The following DIP2C variants were observed in gnomAD, a reference collection of about 807,000 sequenced individuals.
The protein encoded by DIP2C is disco-interacting protein 2 homolog C.
In DIP2C, 33 loss-of-function variants were observed where a neutral mutation model predicts 192.4. That is an observed-to-expected ratio of 0.17 (90% CI 0.13 to 0.23). The LOEUF is 0.23. DIP2C is among the 10% of genes least tolerant of loss of function. The pLI is 1.00. For synonymous variants in DIP2C, 979 were observed against 864.1 expected, an observed-to-expected ratio of 1.13 and a Z score of -2.33; for missense variants, 1,537 against 2,110.1, an observed-to-expected ratio of 0.73 and a Z score of 5.32.
chr10:527,595 C>T (rs1165371755), intron 1 of DIP2C, among the ~76,000 whole-genome samples: 33 of 152,080 alleles, frequency 2.2e-4, no homozygotes, highest in Non-Finnish European at 1.5e-5. Flanking sequence ...GTCAAATAAC[C>T]AGAGATGTAA....
chr10:375,912 T>C (rs772860619), intron 17 of DIP2C, among the ~76,000 whole-genome samples: 4 of 152,132 alleles, frequency 2.6e-5, no homozygotes, highest in African/African-American at 4.8e-5. Context: ...AATGTAGTAT[T>C]CCTCAGCTTA....
At chr10:281,660 C>G (rs1403389050) in intron 35 of DIP2C, among the ~76,000 whole-genome samples, 1 of 152,238 alleles carries the variant, frequency 6.6e-6, no homozygotes, top group Non-Finnish European at 1.5e-5. Flanking sequence ...CGGCACCCAG[C>G]GGTCTGAGTT....
intron 32 of DIP2C, among the ~76,000 whole-genome samples, chr10:303,891 C>A (rs1252900742): frequency 2.0e-5 from 3 of 152,044 alleles, no homozygotes; most frequent in African/African-American, 7.2e-5. Flanking sequence ...TTAATCTGGG[C>A]CTCCACGGGG....
rs550798493 is a variant in DIP2C, at chr10:363,263, G to A, written c.2526C>T (p.Ile842=). 16 of 1,613,336 alleles carry A rather than the reference G, an allele frequency of 9.9e-6. No individual in the cohort carries two copies. The highest frequency in any genetic ancestry group is 2.2e-5 in the East Asian group (1 of 44,878). Residue 842 remains isoleucine, a synonymous_variant, in exon 21 of 37, where the codon ATC becomes ATT. Coordinates refer to ENST00000280886, the MANE Select transcript of DIP2C (RefSeq NM_014974.3). This position sits in a 1 kb window ranked among gnomAD's most constrained non-coding sequence, Gnocchi z 5.4. ...VTVLHDERIV[I]VAEQRPDSTE... ...TGGAGTCAGGCCTCTGCTCAGCCAC[G>A]ATCACGATCCTCTCGTCGTGCAGCA...
chr10:533,650 C>CA (rs534651561), intron 1 of DIP2C, among the ~76,000 whole-genome samples: 35,107 of 122,402 alleles, frequency 0.29, 6,006 homozygotes, highest in African/African-American at 0.52. Context: ...AGATACCTAC[C>CA]AAAAAAAAAA....
chr10:621,610 T>C (rs1033732281), intron 1 of DIP2C, among the ~76,000 whole-genome samples: 1 of 152,042 alleles, frequency 6.6e-6, no homozygotes, highest in African/African-American at 2.4e-5. Flanking sequence ...ACTGAGGTCT[T>C]GGGCCGGCTC....
chr10:501,512 C>A (rs1256869488), intron 1 of DIP2C, among the ~76,000 whole-genome samples: 1 of 151,760 alleles, frequency 6.6e-6, no homozygotes, highest in Non-Finnish European at 1.5e-5. Context: ...TGCGTTGATA[C>A]CATATTACCC....
chr10:502,516 CATA>C (rs1461528104), intron 1 of DIP2C, among the ~76,000 whole-genome samples: 5 of 152,072 alleles, frequency 3.3e-5, no homozygotes, highest in African/African-American at 1.2e-4. Context: ...AAAAAGACAT[CATA>C]ATGAGCACAA....
chr10:584,025 T>TC (rs1850824992), intron 1 of DIP2C, among the ~76,000 whole-genome samples: 1 of 152,128 alleles, frequency 6.6e-6, no homozygotes, highest in African/African-American at 2.4e-5. Flanking sequence ...CTGACCTCTG[T>TC]CCCTTGGTGT....
intron 1 of DIP2C, among the ~76,000 whole-genome samples, chr10:610,403 G>A (rs924593954): frequency 6.6e-6 from 1 of 152,048 alleles, no homozygotes; most frequent in Non-Finnish European, 1.5e-5. Context: ...AATGTCAGTG[G>A]GTCACCTACT....
chr10:539,958 G>GA (rs1289303851), intron 1 of DIP2C, among the ~76,000 whole-genome samples: 4 of 151,974 alleles, frequency 2.6e-5, no homozygotes, highest in African/African-American at 4.8e-5. Flanking sequence ...AGATATTCCA[G>GA]AAAAAAACAA....
chr10:601,251 T>G (rs973208644), intron 1 of DIP2C, among the ~76,000 whole-genome samples: 2 of 152,196 alleles, frequency 1.3e-5, no homozygotes, highest in Admixed American at 6.5e-5. Context: ...AAAGGTTCAG[T>G]AAATCTCTAG....
intron 1 of DIP2C, among the ~76,000 whole-genome samples, chr10:529,628 G>T (rs186610301): frequency 3.1e-4 from 47 of 152,290 alleles, no homozygotes; most frequent in Middle Eastern, 6.8e-3. Flanking sequence ...CGATCAGGGT[G>T]GGAGGGCAGC....
intron 1 of DIP2C, among the ~76,000 whole-genome samples, chr10:632,193 AAC>A (rs1229894604): frequency 6.6e-6 from 1 of 152,268 alleles, no homozygotes; most frequent in Admixed American, 6.5e-5. Context: ...TGAAGAGAGA[AAC>A]AGTTAAAAGG....
chr10:534,671 A>T (rs6560849), intron 1 of DIP2C, among the ~76,000 whole-genome samples: 39,297 of 101,620 alleles, frequency 0.39, 7,430 homozygotes, highest in African/African-American at 0.57. Flanking sequence ...GATGATTATT[A>T]TTTTTTTTTT....
chr10:386,599 G>GT (rs1240286812), intron 14 of DIP2C, among the ~76,000 whole-genome samples: 7 of 152,224 alleles, frequency 4.6e-5, no homozygotes. Context: ...GACGACCTGT[G>GT]TGTAACACGG....
chr10:658,321 C>G (rs1199423600), intron 1 of DIP2C, among the ~76,000 whole-genome samples: 45 of 151,368 alleles, frequency 3.0e-4, no homozygotes, highest in Non-Finnish European at 6.5e-4. Context: ...GGACCTGATG[C>G]TGGACCTGAC....
intron 1 of DIP2C, among the ~76,000 whole-genome samples, chr10:532,967 G>C (rs1057242055): frequency 6.6e-6 from 1 of 152,114 alleles, no homozygotes; most frequent in African/African-American, 2.4e-5. Context: ...ATTTTTTGTA[G>C]CATCAGGGTC....
At chr10:507,889 G>A (rs1845733632) in intron 1 of DIP2C, among the ~76,000 whole-genome samples, 1 of 152,168 alleles carries the variant, frequency 6.6e-6, no homozygotes, top group Admixed American at 6.5e-5. Context: ...GTTTAAATGA[G>A]GGGCCCAAGT....
Sources: gnomAD v4.1 joint callset for allele counts (sites outside exome capture counted in the v4.1 genomes callset) on GRCh38, gnomAD v4.1.1 for gene constraint, Gnocchi (gnomAD v3.1) non-coding constraint, MANE v1.5 for transcripts, NCBI Gene and HGNC (gene_info 2026-07-23, HGNC 2026-07-21) for gene names.